C8orf34: variants seen among roughly 807,000 people sequenced by gnomAD.
C8orf34 encodes the protein uncharacterized protein C8orf34.
A neutral mutation model predicts 68.3 loss-of-function variants in C8orf34; 65 were observed. The observed-to-expected ratio is 0.95, with a 90% CI of 0.78 to 1.17. C8orf34 has a LOEUF of 1.17. Among genes scored for constraint, C8orf34 ranks in the 50% most tolerant of loss-of-function variants. The probability of loss-of-function intolerance (pLI) is 0.00; values close to 1 mark genes in which losing one functional copy is unlikely to be tolerated. For synonymous variants in C8orf34, 244 were observed against 241.2 expected, an observed-to-expected ratio of 1.01 and a Z score of -0.11; for missense variants, 664 against 655.4, an observed-to-expected ratio of 1.01 and a Z score of -0.14.
chr8:68,519,618 A>T lies in C8orf34; in HGVS notation c.766-2181A>T, dbSNP rs192713650. ...TATATTTTATATGACTTTGTTTTGT[A>T]AAGATTGTTGTTTATGATTATTGAT... On this transcript the variant is annotated intron_variant, in intron 5 of 13. Coordinates refer to ENST00000518698, the MANE Select transcript of C8orf34 (RefSeq NM_052958.4). Among the ~76,000 whole-genome samples, 154 of 152,274 alleles carry T rather than the reference A, an allele frequency of 1.0e-3. 2 individuals are homozygous for T. The highest frequency in any genetic ancestry group is 3.7e-3 in the African/African-American group (152 of 41,562).
chr8:68,745,721 C>T (rs1458759039), intron 10 of C8orf34, among the ~76,000 whole-genome samples: 3 of 151,962 alleles, frequency 2.0e-5, no homozygotes, highest in Non-Finnish European at 4.4e-5. Flanking sequence ...ACAGGAGCAC[C>T]CAGATTCATA....
At chr8:68,370,887 T>C (rs958646757) in intron 1 of C8orf34, among the ~76,000 whole-genome samples, 29 of 152,134 alleles carry the variant, frequency 1.9e-4, no homozygotes, top group African/African-American at 6.5e-4. Context: ...AAAATAAAAT[T>C]GGAGGAATTT....
At chr8:68,627,238 T>C (rs1818563234) in intron 7 of C8orf34, among the ~76,000 whole-genome samples, 1 of 152,212 alleles carries the variant, frequency 6.6e-6, no homozygotes, top group Admixed American at 6.5e-5. Flanking sequence ...TGATTTCCAG[T>C]TGTATTCCTG....
intron 6 of C8orf34, among the ~76,000 whole-genome samples, chr8:68,529,358 T>C (rs996524781): frequency 5.3e-5 from 8 of 152,208 alleles, no homozygotes; most frequent in African/African-American, 1.9e-4. Flanking sequence ...CCCATCTTAC[T>C]TGACCAAACA....
intron 8 of C8orf34, among the ~76,000 whole-genome samples, chr8:68,658,490 C>T (rs1200603565): frequency 6.6e-6 from 1 of 152,156 alleles, no homozygotes; most frequent in Non-Finnish European, 1.5e-5. Context: ...TAAATTCCCA[C>T]TTAATGTAAG....
intron 13 of C8orf34, 142 bp downstream of exon 13, chr8:68,816,087 A>T (rs1469177835): frequency 5.9e-6 from 8 of 1,360,002 alleles, no homozygotes; most frequent in South Asian, 1.3e-5. Context: ...CCTGCATAAG[A>T]TTATAAGATT....
chr8:68,629,082 T>G (rs560781350), intron 7 of C8orf34, among the ~76,000 whole-genome samples: 9 of 152,222 alleles, frequency 5.9e-5, no homozygotes, highest in African/African-American at 2.2e-4. Flanking sequence ...AAATATAACA[T>G]TCATATAATG....
intron 1 of C8orf34, among the ~76,000 whole-genome samples, chr8:68,403,230 AGTGATTCCT>A (rs778766250): frequency 9.3e-4 from 142 of 152,306 alleles, no homozygotes; most frequent in Non-Finnish European, 1.5e-3. Context: ...GAGGACTGGC[AGTGATTCCT>A]GTGTCATGCT....
intron 1 of C8orf34, among the ~76,000 whole-genome samples, chr8:68,364,813 C>T (rs1410717942): frequency 4.0e-4 from 60 of 150,926 alleles, no homozygotes; most frequent in Non-Finnish European, 6.3e-4. Flanking sequence ...AAAATTGACA[C>T]CCTAACATCA....
chr8:68,629,098 A>G lies in C8orf34; in HGVS notation c.1106-11278A>G, dbSNP rs181745018. 2.1e-3 allele frequency among the ~76,000 whole-genome samples: 320 copies of G among 152,276 alleles called. 2 individuals carry two copies. Among genetic ancestry groups the G allele is most frequent in the Non-Finnish European group, 4.1e-3 (281 of 68,020 alleles). ...AATATAACATTCATATAATGCACAC[A>G]TTTTACTTGTAAAAATAGTTGCAAG... On this transcript the variant is annotated intron_variant, in intron 7 of 13. Transcript: ENST00000518698.
intron 1 of C8orf34, among the ~76,000 whole-genome samples, chr8:68,356,204 T>A (rs1806741496): frequency 6.6e-6 from 1 of 152,204 alleles, no homozygotes; most frequent in Non-Finnish European, 1.5e-5. Flanking sequence ...ATATCATTTG[T>A]CACTACAAGT....
At chr8:68,682,494 A>G (rs373410267) in intron 8 of C8orf34, among the ~76,000 whole-genome samples, 2 of 152,070 alleles carry the variant, frequency 1.3e-5, no homozygotes, top group East Asian at 1.9e-4. Flanking sequence ...ATTTCTTTAT[A>G]AGTGTAAATT....
At chr8:68,650,112 C>T (rs761688560) in intron 8 of C8orf34, among the ~76,000 whole-genome samples, 4 of 151,322 alleles carry the variant, frequency 2.6e-5, no homozygotes, top group South Asian at 2.1e-4. Context: ...AAGGGTTGTT[C>T]GAGTAAAATA....
intron 4 of C8orf34, among the ~76,000 whole-genome samples, chr8:68,481,033 C>A (rs1475309923): frequency 6.6e-6 from 1 of 152,196 alleles, no homozygotes; most frequent in Non-Finnish European, 1.5e-5. Flanking sequence ...CAGAGACTTT[C>A]ATGACAGCCC....
chr8:68,574,235 T>A (rs997796008), intron 7 of C8orf34, among the ~76,000 whole-genome samples: 2 of 152,062 alleles, frequency 1.3e-5, no homozygotes, highest in Non-Finnish European at 2.9e-5. Context: ...ATAATTATCT[T>A]AATTCAAATA....
intron 5 of C8orf34, among the ~76,000 whole-genome samples, chr8:68,498,638 G>T (rs1813633837): frequency 6.6e-6 from 1 of 152,024 alleles, no homozygotes; most frequent in Admixed American, 6.6e-5. Flanking sequence ...AATTATGTTG[G>T]TATCTTTAAG....
chr8:68,364,850 G>A (rs1377455804), intron 1 of C8orf34, among the ~76,000 whole-genome samples: 2 of 151,842 alleles, frequency 1.3e-5, no homozygotes, highest in African/African-American at 4.8e-5. Flanking sequence ...AAAAGCAAGA[G>A]CAAACACATT....
At chr8:68,339,891 G>C (rs150325943) in intron 1 of C8orf34, among the ~76,000 whole-genome samples, 3 of 151,998 alleles carry the variant, frequency 2.0e-5, no homozygotes, top group African/African-American at 7.2e-5. Context: ...AAGGACTCCT[G>C]CCTATTATAT....
intron 1 of C8orf34, among the ~76,000 whole-genome samples, chr8:68,417,132 A>T (rs1809707363): frequency 6.6e-6 from 1 of 152,188 alleles, no homozygotes; most frequent in African/African-American, 2.4e-5. Flanking sequence ...CATTTTAAAG[A>T]TACCAAAATA....
Sources: gnomAD v4.1 joint callset for allele counts (sites outside exome capture counted in the v4.1 genomes callset) on GRCh38, gnomAD v4.1.1 for gene constraint, MANE v1.5 for transcripts, NCBI Gene and HGNC (gene_info 2026-07-23, HGNC 2026-07-21) for gene names.